Variants in MAGI3 observed in about 807,000 individuals in gnomAD.
The protein encoded by MAGI3 is membrane-associated guanylate kinase, WW and PDZ domain-containing protein 3.
MAGI3 carries 43 observed loss-of-function variants against 121.8 expected under a neutral mutation model. That is an observed-to-expected ratio of 0.35 (90% confidence interval 0.28 to 0.46). The LOEUF (loss-of-function observed/expected upper bound fraction) is 0.46. Ranked by LOEUF, MAGI3 falls within the 20% of genes least tolerant of loss-of-function variation. The pLI is 1.00. For missense variants in MAGI3, 1,547 were observed against 1,797.3 expected, an observed-to-expected ratio of 0.86 and a Z score of 2.52; for synonymous variants, 553 against 639.3, an observed-to-expected ratio of 0.86 and a Z score of 2.04.
chr1:113,406,088 A>G (rs971917239), intron 1 of MAGI3, among the ~76,000 whole-genome samples: 4 of 151,784 alleles, frequency 2.6e-5, no homozygotes, highest in African/African-American at 9.7e-5. Flanking sequence ...TGTTTTAGAG[A>G]TTTGAACTGG....
intron 14 of MAGI3, among the ~76,000 whole-genome samples, 185 bp downstream of exon 14, chr1:113,651,391 A>G (rs957443202): frequency 6.6e-6 from 1 of 152,226 alleles, no homozygotes; most frequent in Non-Finnish European, 1.5e-5. Flanking sequence ...TAATACTACT[A>G]TAAAAAAATA....
chr1:113,491,623 A>G (rs1246674572), intron 1 of MAGI3, among the ~76,000 whole-genome samples: 1 of 152,108 alleles, frequency 6.6e-6, no homozygotes, highest in Non-Finnish European at 1.5e-5. Flanking sequence ...ATAGACCATT[A>G]GCTAGGCTAA....
chr1:113,451,396 AAAT>A (rs1376834262), intron 1 of MAGI3, among the ~76,000 whole-genome samples: 13 of 152,164 alleles, frequency 8.5e-5, no homozygotes, highest in Admixed American at 7.2e-4. Context: ...ATGTTAAAGA[AAAT>A]AATCAAAACT....
chr1:113,666,079 T>A (rs1654029474), intron 16 of MAGI3, among the ~76,000 whole-genome samples: 1 of 152,196 alleles, frequency 6.6e-6, no homozygotes, highest in South Asian at 2.1e-4. Context: ...ATGCTAATGA[T>A]CATCTGGGCC....
At position 113,520,174 on chromosome 1, in the gene MAGI3, A is replaced by T. The variant is rs190340485; in HGVS notation, c.317-29341A>T. ...CATGTTAACTTTTGGAACAGATGCT[A>T]TTTTTTTTTTTAAATAGAAATAAAA... On this transcript the variant is annotated intron_variant, in intron 1 of 20. Transcript: ENST00000307546. 2.7e-5 allele frequency among the ~76,000 whole-genome samples: 4 copies of T among 148,458 alleles called. No homozygotes were observed. The South Asian group carries it at 8.6e-4, about 32-fold the overall frequency.
chr1:113,578,960 GTT>G (rs60070679), intron 2 of MAGI3, among the ~76,000 whole-genome samples: 2 of 151,372 alleles, frequency 1.3e-5, no homozygotes, highest in East Asian at 1.9e-4. Flanking sequence ...CATAATCTTT[GTT>G]TTTTTTTGTG....
At chr1:113,440,787 C>A (rs753330109) in intron 1 of MAGI3, among the ~76,000 whole-genome samples, 21 of 152,258 alleles carry the variant, frequency 1.4e-4, no homozygotes, top group Non-Finnish European at 2.5e-4. Context: ...GTATGCTTAT[C>A]ATTTCATTAG....
intron 1 of MAGI3, among the ~76,000 whole-genome samples, chr1:113,427,871 G>A (rs1281526331): frequency 6.6e-6 from 1 of 151,916 alleles, no homozygotes; most frequent in Non-Finnish European, 1.5e-5. Flanking sequence ...TTTTTAAAAT[G>A]AATCAAAATT....
intron 1 of MAGI3, among the ~76,000 whole-genome samples, chr1:113,439,404 G>A (rs899139543): frequency 5.9e-5 from 9 of 152,174 alleles, no homozygotes; most frequent in Non-Finnish European, 1.0e-4. Flanking sequence ...TCTACTGAGA[G>A]CATATTTCTG....
chr1:113,617,986 A>C (rs1650580706), intron 7 of MAGI3, among the ~76,000 whole-genome samples: 1 of 152,176 alleles, frequency 6.6e-6, no homozygotes, highest in South Asian at 2.1e-4. Flanking sequence ...CTGTTGTGGA[A>C]CTGATATGTA....
intron 10 of MAGI3, among the ~76,000 whole-genome samples, chr1:113,642,850 G>C (rs1352212931): frequency 6.6e-6 from 1 of 152,140 alleles, no homozygotes; most frequent in Non-Finnish European, 1.5e-5. Flanking sequence ...CTCTGTTGAT[G>C]ACAGTAATAG....
At chr1:113,585,266 C>G (rs1052535029) in intron 3 of MAGI3, 121 bp from the exon 4 acceptor site, 1 of 860,192 alleles carries the variant, frequency 1.2e-6, no homozygotes, top group East Asian at 2.6e-5. Context: ...CCATGCCCAC[C>G]CCTATGGTAG....
chr1:113,400,725 G>C (rs1310757408), intron 1 of MAGI3, among the ~76,000 whole-genome samples: 1 of 152,086 alleles, frequency 6.6e-6, no homozygotes, highest in Non-Finnish European at 1.5e-5. Flanking sequence ...AGAACACTTT[G>C]TCAAAATATT....
intron 1 of MAGI3, among the ~76,000 whole-genome samples, chr1:113,510,992 C>T (rs1040678782): frequency 7.9e-5 from 12 of 152,184 alleles, no homozygotes; most frequent in African/African-American, 2.9e-4. Context: ...AAGTCTTTCT[C>T]ACTAGACTAG....
intron 16 of MAGI3, among the ~76,000 whole-genome samples, chr1:113,662,412 C>T (rs1488091053): frequency 6.6e-6 from 1 of 152,122 alleles, no homozygotes; most frequent in Non-Finnish European, 1.5e-5. Context: ...TTTACTATAT[C>T]TGGTAGTTCC....
At position 113,503,583 on chromosome 1, in the gene MAGI3, A is replaced by C. The variant is rs78803823; in HGVS notation, c.317-45932A>C. 4.7e-3 allele frequency among the ~76,000 whole-genome samples: 713 copies of C among 152,204 alleles called. 3 individuals carry two copies. Among genetic ancestry groups the C allele is most frequent in the Non-Finnish European group, 8.6e-3 (583 of 68,012 alleles). Reference sequence around the variant, plus strand: ...TACATTATACAAGCATTACTTTTCTATAACTGTAAGGTCAGAATTTGAAGT... The same window carrying C: ...TACATTATACAAGCATTACTTTTCTCTAACTGTAAGGTCAGAATTTGAAGT... On this transcript the variant is annotated intron_variant, in intron 1 of 20. Transcript: ENST00000307546.
chr1:113,649,210 G>A, intron 12 of MAGI3, 27 bp from the exon 13 acceptor site: 1 of 1,524,668 alleles, frequency 6.6e-7, no homozygotes, highest in Non-Finnish European at 9.0e-7. Context: ...ATAAATCATA[G>A]TATTTATATT....
At chr1:113,494,092 T>C (rs2101586684) in intron 1 of MAGI3, among the ~76,000 whole-genome samples, 1 of 152,278 alleles carries the variant, frequency 6.6e-6, no homozygotes, top group South Asian at 2.1e-4. Flanking sequence ...TGCAGCACTA[T>C]TCACAATAGT....
intron 9 of MAGI3, among the ~76,000 whole-genome samples, chr1:113,632,169 T>G (rs1342844242): frequency 6.6e-6 from 1 of 152,212 alleles, no homozygotes; most frequent in Admixed American, 6.5e-5. Context: ...AAGTTATACT[T>G]GTAAAGAAAA....
Sources: allele counts gnomAD v4.1 joint callset (sites outside exome capture counted in the v4.1 genomes callset), GRCh38; gene constraint gnomAD v4.1.1; transcripts MANE v1.5; gene names NCBI Gene and HGNC (gene_info 2026-07-23, HGNC 2026-07-21).